SMAD2: variants seen among roughly 807,000 people sequenced by gnomAD.
The protein encoded by SMAD2 is MAD homolog 2.
A neutral mutation model predicts 64.4 loss-of-function variants in SMAD2; 8 were observed. That is an observed-to-expected ratio of 0.12 (90% CI 0.07 to 0.22). SMAD2 has a LOEUF of 0.22. SMAD2 is among the 10% of genes least tolerant of loss of function. SMAD2 has a pLI of 1.00. For missense variants in SMAD2, 289 were observed against 561.2 expected, an observed-to-expected ratio of 0.51 and a Z score of 4.90; for synonymous variants, 203 against 195.8, an observed-to-expected ratio of 1.04 and a Z score of -0.31.
chr18:47,910,833 A>C (rs1230976626), intron 1 of SMAD2, among the ~76,000 whole-genome samples: 1 of 152,210 alleles, frequency 6.6e-6, no homozygotes, highest in African/African-American at 2.4e-5. Context: ...GCTTCCAGTC[A>C]ACAGTAGGTC....
At chr18:47,870,782 T>C (rs1353054994) in intron 2 of SMAD2, among the ~76,000 whole-genome samples, 1 of 152,208 alleles carries the variant, frequency 6.6e-6, no homozygotes, top group African/African-American at 2.4e-5. Flanking sequence ...AAGTCATGAT[T>C]ATGTTTTTAA....
Position 47,860,472 on chromosome 18 carries a change from G to A in SMAD2, c.730+4587C>T, listed in dbSNP as rs527367641. On this transcript the variant is annotated intron_variant, in intron 6 of 10. Transcript: ENST00000262160. ...AAAAAAAATTTTTTTTTGTAGAGAC[G>A]GGGTCTTGCTTTGTTGCCTAGGTTG... 1.1e-3 allele frequency among the ~76,000 whole-genome samples: 167 copies of A among 151,756 alleles called. 1 individual carries two copies. Among genetic ancestry groups the A allele is most frequent in the Middle Eastern group, 3.4e-3 (1 of 294 alleles).
Position 47,822,383 on chromosome 18 carries a change from C to G in SMAD2, c.*19444G>C, listed in dbSNP as rs991768014. 3 of 152,156 alleles carry G rather than the reference C, an allele frequency of 2.0e-5. No individual in the cohort carries two copies. Among genetic ancestry groups the G allele is most frequent in the African/African-American group, 7.2e-5 (3 of 41,424 alleles). 9.4% of individuals were successfully genotyped at this position (152,156 alleles called of 1,614,324 possible). A position where few individuals can be genotyped will look rare whatever the true frequency, so the allele number is the denominator to read the frequency against. On this transcript the variant is annotated 3_prime_UTR_variant, in exon 11 of 11. Coordinates refer to ENST00000262160, the MANE Select transcript of SMAD2 (RefSeq NM_005901.6). The stretch of plus-strand genomic sequence containing the variant: ...ATACAGGTTACTAATCACTTTAATA[C>G]CAATGGACTAAATATTTTTTCAGAA...
At chr18:47,862,722 T>C (rs1187017581) in intron 6 of SMAD2, among the ~76,000 whole-genome samples, 1 of 152,218 alleles carries the variant, frequency 6.6e-6, no homozygotes, top group Non-Finnish European at 1.5e-5. Flanking sequence ...TTAAGTCTCT[T>C]TGTGTATCTT....
chr18:47,888,005 C>G (rs934312432), intron 2 of SMAD2, among the ~76,000 whole-genome samples: 9 of 152,140 alleles, frequency 5.9e-5, no homozygotes, highest in African/African-American at 1.9e-4. Flanking sequence ...TCTGCATGTT[C>G]TGCATGAACA....
intron 7 of SMAD2, among the ~76,000 whole-genome samples, chr18:47,851,001 A>T (rs538148237): frequency 1.4e-5 from 2 of 147,712 alleles, no homozygotes; most frequent in Admixed American, 1.4e-4. Context: ...TCTAGCCATA[A>T]CAGGTTATAT....
At chr18:47,880,041 T>C (rs554736029) in intron 2 of SMAD2, among the ~76,000 whole-genome samples, 38 of 152,370 alleles carry the variant, frequency 2.5e-4, no homozygotes, top group African/African-American at 8.4e-4. Flanking sequence ...TACTGAGTTA[T>C]AGAAATCTTT....
chr18:47,876,279 A>G (rs75556167), intron 2 of SMAD2, among the ~76,000 whole-genome samples: 1 of 152,088 alleles, frequency 6.6e-6, no homozygotes, highest in African/African-American at 2.4e-5. Context: ...AATTGGTCTC[A>G]TAAATTCTGC....
At chr18:47,926,306 TA>T (rs897730120) in intron 1 of SMAD2, among the ~76,000 whole-genome samples, 4 of 152,230 alleles carry the variant, frequency 2.6e-5, no homozygotes, top group African/African-American at 9.6e-5. Context: ...ATTGCACTCT[TA>T]AAAAGATTTT....
Position 47,827,873 on chromosome 18 carries a change from G to C in SMAD2, c.*13954C>G. On this transcript the variant is annotated 3_prime_UTR_variant, in exon 11 of 11. Coordinates refer to ENST00000262160, the MANE Select transcript of SMAD2 (RefSeq NM_005901.6). ...CGCCTGCCTTGGCCTCCCAAAGTGC[G>C]GAGATTGCAGCCTCTGCCCGGCCGC... is the stretch of plus-strand genomic sequence containing the variant. The C allele has an allele frequency of 5.4e-6, 1 of 185,812 alleles. No individual in the cohort carries two copies. Among genetic ancestry groups the C allele is most frequent in the South Asian group, 1.1e-4 (1 of 9,446 alleles). The allele number at this position is 185,812 out of a possible 1,614,324, so 11.5% of individuals were successfully genotyped here.
At chr18:47,863,643 G>A (rs1341957869) in intron 6 of SMAD2, among the ~76,000 whole-genome samples, 3 of 151,914 alleles carry the variant, frequency 2.0e-5, no homozygotes, top group Non-Finnish European at 4.4e-5. Context: ...TCCTTTACAT[G>A]GTTGAATAAT....
At chr18:47,889,136 C>A (rs1440411682) in intron 2 of SMAD2, among the ~76,000 whole-genome samples, 1 of 152,070 alleles carries the variant, frequency 6.6e-6, no homozygotes, top group African/African-American at 2.4e-5. Flanking sequence ...ATGAAAACAA[C>A]AGAACTGTAA....
intron 2 of SMAD2, among the ~76,000 whole-genome samples, chr18:47,879,257 G>A (rs1315450487): frequency 6.6e-6 from 1 of 152,122 alleles, no homozygotes; most frequent in African/African-American, 2.4e-5. Context: ...TACCATTTGA[G>A]TTTTCTCAGA....
In SMAD2 at chr18:47,836,733, T is replaced by C. The variant is rs757325040; in HGVS notation, c.*5094A>G. 3.0e-4 allele frequency: 67 copies of C among 219,686 alleles called. No individual in the cohort carries two copies. Among genetic ancestry groups the C allele is most frequent in the South Asian group, 1.9e-4 (1 of 5,404 alleles). The allele number at this position is 219,686 out of a possible 1,614,324, so 13.6% of individuals were successfully genotyped here. On this transcript the variant is annotated 3_prime_UTR_variant, in exon 11 of 11. Coordinates refer to ENST00000262160, the MANE Select transcript of SMAD2 (RefSeq NM_005901.6). ...AACAGTTCCTACTCAAAAAATTACA[T>C]GAACACACGAGATAAGTTCTTATCG...
chr18:47,893,806 T>G (rs1435728219), intron 2 of SMAD2, among the ~76,000 whole-genome samples: 2 of 152,330 alleles, frequency 1.3e-5, no homozygotes, highest in African/African-American at 2.4e-5. Context: ...TTAAAATTTT[T>G]TTGATAGACC....
At chr18:47,876,319 A>G (rs2032260103) in intron 2 of SMAD2, among the ~76,000 whole-genome samples, 1 of 152,070 alleles carries the variant, frequency 6.6e-6, no homozygotes, top group African/African-American at 2.4e-5. Flanking sequence ...TTTACTAACA[A>G]ATTAATGTGA....
At position 47,817,532 on chromosome 18, in the gene SMAD2, C is replaced by T. The variant is rs1038255154; in HGVS notation, c.*24295G>A. 7.9e-5 allele frequency: 12 copies of T among 152,516 alleles called. No individual in the cohort carries two copies. The highest frequency in any genetic ancestry group is 2.9e-4 in the African/African-American group (12 of 41,496). The allele number at this position is 152,516 out of a possible 1,614,324, so 9.4% of individuals were successfully genotyped here. On this transcript the variant is annotated 3_prime_UTR_variant, in exon 11 of 11. Coordinates refer to ENST00000262160, the MANE Select transcript of SMAD2 (RefSeq NM_005901.6). ...CTGAGGCTGGTCTTGAACTCATGGG[C>T]TCAAGCGATCCTCCTGCCTTGGCCT... is the stretch of plus-strand genomic sequence containing the variant.
chr18:47,815,364 G>A lies in SMAD2; in HGVS notation c.*26463C>T, dbSNP rs1227585475. 6.6e-6 allele frequency: 1 copy of A among 152,204 alleles called. No individual in the cohort carries two copies. Among genetic ancestry groups the A allele is most frequent in the Non-Finnish European group, 1.5e-5 (1 of 68,044 alleles). The allele number at this position is 152,204 out of a possible 1,614,324, so 9.4% of individuals were successfully genotyped here. A position where few individuals can be genotyped will look rare whatever the true frequency, so the allele number is the denominator to read the frequency against. On this transcript the variant is annotated 3_prime_UTR_variant, in exon 11 of 11. Coordinates refer to ENST00000262160, the MANE Select transcript of SMAD2 (RefSeq NM_005901.6). ...TCTGAGTTTTAATGTGTGGGAGCTG[G>A]GAAGAGGGAAGAACATTGATAGAAA... is the stretch of plus-strand genomic sequence containing the variant.
chr18:47,916,024 T>C (rs2034321268), intron 1 of SMAD2, among the ~76,000 whole-genome samples: 1 of 152,270 alleles, frequency 6.6e-6, no homozygotes, highest in African/African-American at 2.4e-5. Flanking sequence ...ATCAAAATTA[T>C]CATATGGCCT....
Sources: allele counts gnomAD v4.1 joint callset (sites outside exome capture counted in the v4.1 genomes callset), GRCh38; gene constraint gnomAD v4.1.1; transcripts MANE v1.5; gene names NCBI Gene and HGNC (gene_info 2026-07-23, HGNC 2026-07-21).